KLC2: variants seen among roughly 807,000 people sequenced by gnomAD.
KLC2 encodes kinesin light chain 2.
Under a neutral mutation model 75.1 loss-of-function variants are expected in KLC2, and 35 were observed. The ratio of observed to expected loss-of-function variants is 0.47; its 90% CI spans 0.36 to 0.62. KLC2 has a LOEUF of 0.62. KLC2 is among the 20% of genes least tolerant of loss of function. The pLI is 0.00. For missense variants in KLC2, 611 were observed against 833.2 expected (o/e 0.73, Z 3.28); for synonymous variants, 314 against 336.7 (o/e 0.93, Z 0.74).
chr11:66,247,492 C>T, the KLC2 span, among the ~76,000 whole-genome samples: 7 of 152,224 alleles, frequency 4.6e-5, no homozygotes, highest in Admixed American at 2.6e-4. Context: ...TCAAACACCA[C>T]TCAGCCTCAG....
chr11:66,248,141 C>T, the KLC2 span, among the ~76,000 whole-genome samples: 5 of 152,310 alleles, frequency 3.3e-5, no homozygotes, highest in Admixed American at 6.5e-5. Flanking sequence ...TGCACGCCAA[C>T]TCCAGACTGG....
At chr11:66,262,612 G>A in intron 4 of KLC2, 1 of 593,226 alleles carries the variant, frequency 1.7e-6, no homozygotes, top group East Asian at 2.8e-5. Context: ...CCAGGACACA[G>A]AGCCTGAAGT....
intron 9 of KLC2, chr11:66,264,663 C>T (rs1457971843): frequency 1.0e-5 from 6 of 594,082 alleles, no homozygotes; most frequent in African/African-American, 3.7e-5. Flanking sequence ...GGGCCTCACA[C>T]GCCTTTGCAT....
intron 4 of KLC2, 179 bp from the exon 5 acceptor site, chr11:66,262,635 C>T (rs1856513414): frequency 1.7e-6 from 1 of 600,544 alleles, no homozygotes; most frequent in South Asian, 2.0e-5. Flanking sequence ...TGGAGCTGGG[C>T]CTCTACCCCC....
Position 66,266,958 on chromosome 11 carries a change from G to T in KLC2, c.*2G>T. The T allele has an allele frequency of 6.2e-7, 1 of 1,612,058 alleles. No homozygotes were observed. On this transcript the variant is annotated 3_prime_UTR_variant, in exon 16 of 16. Transcript: ENST00000394067. ...CGACGAAGCTCCCTGGTGGGCTAAT[G>T]CTGAAGGGGCAGCCAGTCACCAGAG...
upstream of KLC2, chr11:66,257,414 C>T (rs1856083497): frequency 6.6e-6 from 1 of 152,368 alleles, no homozygotes. Context: ...TCGCTCTGTA[C>T]TCCAGGAAGC....
At chr11:66,250,506 C>G in the KLC2 span, among the ~76,000 whole-genome samples, 1 of 152,084 alleles carries the variant, frequency 6.6e-6, no homozygotes, top group Non-Finnish European at 1.5e-5. Context: ...TATTAACTTC[C>G]TACTAGTTCG....
chr11:66,264,715 G>A (rs1461789908), intron 9 of KLC2: 4 of 583,356 alleles, frequency 6.9e-6, no homozygotes, highest in Non-Finnish European at 9.2e-6. Context: ...TTGAGGGCCT[G>A]CCCCAGTGTC....
At chr11:66,262,633 G>A (rs1856513234) in intron 4 of KLC2, 181 bp from the exon 5 acceptor site, 1 of 599,044 alleles carries the variant, frequency 1.7e-6, no homozygotes, top group South Asian at 2.0e-5. Context: ...ACTGGAGCTG[G>A]GCCTCTACCC....
chr11:66,246,330 G>C, the KLC2 span: 1 of 152,302 alleles, frequency 6.6e-6, no homozygotes, highest in Non-Finnish European at 1.5e-5. Flanking sequence ...GGGACAAGTA[G>C]ACTTGGATCC....
In KLC2 at chr11:66,267,372, C is replaced by T. The variant is rs888232274; in HGVS notation, c.*416C>T. On this transcript the variant is annotated 3_prime_UTR_variant, in exon 16 of 16. Transcript: ENST00000394067. ...AAATAAGTTATTGGCCGCGCGCCTC[C>T]CTTCAGTCCACGGTACTACCCGGGC... is the stretch of plus-strand genomic sequence containing the variant. 3 of 725,354 alleles carry T rather than the reference C, an allele frequency of 4.1e-6. No individual in the cohort carries two copies. Among genetic ancestry groups the T allele is most frequent in the Admixed American group, 4.0e-5 (2 of 50,024 alleles). The allele number at this position is 725,354 out of a possible 1,614,324, so 44.9% of individuals were successfully genotyped here.
chr11:66,265,488 C>T, intron 11 of KLC2, 167 bp from the exon 12 acceptor site: 1 of 702,886 alleles, frequency 1.4e-6, no homozygotes. Context: ...GGGTGATTTC[C>T]CCAGGACAGA....
chr11:66,266,063 G>C, intron 13 of KLC2, 30 bp from the exon 14 acceptor site: 1 of 1,613,866 alleles, frequency 6.2e-7, no homozygotes, highest in Non-Finnish European at 8.5e-7. Flanking sequence ...GTGGCCAGCG[G>C]GGCCTAGAGG....
the KLC2 span, among the ~76,000 whole-genome samples, chr11:66,249,728 T>A: frequency 3.7e-3 from 559 of 152,178 alleles, 4 homozygotes; most frequent in African/African-American, 0.013. Context: ...CATCCCAGAC[T>A]TCACATGGCC....
chr11:66,248,491 C>A, the KLC2 span, among the ~76,000 whole-genome samples: 1 of 152,006 alleles, frequency 6.6e-6, no homozygotes, highest in Non-Finnish European at 1.5e-5. Flanking sequence ...GTGGTGGGCA[C>A]CTGTAATCGC....
chr11:66,258,344 C>G (rs2134791079), intron 1 of KLC2: 2 of 545,732 alleles, frequency 3.7e-6, no homozygotes, highest in East Asian at 6.3e-5. Context: ...CTAAGTCGGC[C>G]TGAGCCGGTG....
chr11:66,264,966 G>C, intron 9 of KLC2, 57 bp from the exon 10 acceptor site: 1 of 1,579,308 alleles, frequency 6.3e-7, no homozygotes, highest in Non-Finnish European at 8.7e-7. Flanking sequence ...CCTGTGTCCA[G>C]CCCAACCAGG....
At chr11:66,259,786 A>G (rs1312520197) in intron 2 of KLC2, 1 of 152,244 alleles carries the variant, frequency 6.6e-6, no homozygotes, top group East Asian at 1.9e-4. Context: ...AGGGGTGGCT[A>G]TGACGGTGGA....
chr11:66,251,016 A>G, the KLC2 span, among the ~76,000 whole-genome samples: 1 of 152,280 alleles, frequency 6.6e-6, no homozygotes, highest in East Asian at 1.9e-4. Flanking sequence ...GATCTCCTTA[A>G]TACAACACAC....
Sources: allele counts gnomAD v4.1 joint callset (sites outside exome capture counted in the v4.1 genomes callset), GRCh38; gene constraint gnomAD v4.1.1; transcripts MANE v1.5; gene names NCBI Gene and HGNC (gene_info 2026-07-23, HGNC 2026-07-21).